Variants in FGD5 observed in about 807,000 individuals in gnomAD.
The protein encoded by FGD5 is FYVE, RhoGEF and PH domain-containing protein 5.
FGD5 carries 28 observed loss-of-function variants against 133.4 expected under a neutral mutation model. The observed-to-expected ratio is 0.21, with a 90% confidence interval of 0.16 to 0.29. FGD5 has a LOEUF of 0.29. FGD5 is among the 10% of genes least tolerant of loss of function. The pLI is 1.00. For missense variants in FGD5, 1,858 were observed against 1,895.2 expected (o/e 0.98, Z 0.36); for synonymous variants, 810 against 776.5 (o/e 1.04, Z -0.72).
chr3:14,857,584 G>A (rs888454399), intron 1 of FGD5, among the ~76,000 whole-genome samples: 2 of 152,122 alleles, frequency 1.3e-5, no homozygotes, highest in Admixed American at 6.5e-5. Flanking sequence ...CTGGGCAACC[G>A]GGAGACTTCA....
chr3:14,889,413 C>T lies in FGD5; in HGVS notation c.2749-8096C>T, dbSNP rs141603479. Among the ~76,000 whole-genome samples, 5 of 152,294 alleles carry T rather than the reference C, an allele frequency of 3.3e-5. No homozygotes were observed. The East Asian group carries it at 7.7e-4, about 23-fold the overall frequency. ...TCTGTGAGATTTAGCCAGCTGTTCA[C>T]GGGTATCAGTGTTCTTTGGTAGGGA... is the stretch of plus-strand genomic sequence containing the variant. On this transcript the variant is annotated intron_variant, in intron 4 of 19. Transcript: ENST00000285046.
chr3:14,864,158 C>T lies in FGD5; in HGVS notation c.2556C>T (p.Pro852=), dbSNP rs763733628. 6.2e-6 allele frequency: 10 copies of T among 1,613,866 alleles called. No homozygotes were observed. Among genetic ancestry groups the T allele is most frequent in the African/African-American group, 1.3e-5 (1 of 74,946 alleles). The change falls in exon 2 of 20, where the codon CCC becomes CCT. Residue 852 remains proline (P), a synonymous_variant. Coordinates refer to ENST00000285046, the MANE Select transcript of FGD5 (RefSeq NM_152536.4). The part of the protein sequence containing the change: ...SAYTEPYKVC[P]ISSAAPKEDL... ...ACACAGAGCCCTACAAAGTCTGTCCCATCTCGTCGGCAGCCCCCAAAGAGG... is the reference window on the plus strand; with the variant it reads ...ACACAGAGCCCTACAAAGTCTGTCCTATCTCGTCGGCAGCCCCCAAAGAGG...
chr3:14,923,160 C>T lies in FGD5; in HGVS notation c.3922C>T (p.Pro1308Ser), dbSNP rs773693106. The change falls in exon 16 of 20, where the codon CCG becomes TCG. Residue 1308 changes from proline to serine, a missense_variant. By Grantham distance (74) the Pro-to-Ser change is moderately conservative. Around this residue, in one of 3 missense-constraint regions of FGD5, gnomAD observed 1,824 missense variants for 1,848.9 expected, o/e 0.99. Coordinates refer to ENST00000285046, the MANE Select transcript of FGD5 (RefSeq NM_152536.4). ...GELKKRGRAVPGLMRERPVSM... is the reference protein window; with the variant it reads ...GELKKRGRAVSGLMRERPVSM... The stretch of plus-strand genomic sequence containing the variant: ...GCTGAAGAAGCGGGGCAGGGCTGTC[C>T]CGGGCCTGATGAGAGGTAACCTGGG... 3.7e-6 allele frequency: 6 copies of T among 1,613,312 alleles called. No homozygotes were observed. The highest frequency in any genetic ancestry group is 5.1e-6 in the Non-Finnish European group (6 of 1,179,756).
chr3:14,900,575 G>A lies in FGD5; in HGVS notation c.3205+122G>A, dbSNP rs550243722. On this transcript the variant is annotated intron_variant, in intron 8 of 19. Coordinates refer to ENST00000285046, the MANE Select transcript of FGD5 (RefSeq NM_152536.4). ...AGTCCCCTCCCCACCAGCTGGGTGG[G>A]TTCTGCATATGACACATCTTGGACT... 6.4e-5 allele frequency: 73 copies of A among 1,148,482 alleles called. 1 individual carries two copies. In the South Asian group the frequency reaches 8.3e-4, roughly 13 times the overall value. 71.1% of individuals were successfully genotyped at this position (1,148,482 alleles called of 1,614,324 possible). A position where few individuals can be genotyped will look rare whatever the true frequency, so the allele number is the denominator to read the frequency against.
intron 4 of FGD5, among the ~76,000 whole-genome samples, chr3:14,888,145 G>C (rs2125124266): frequency 1.4e-5 from 1 of 73,216 alleles, no homozygotes; most frequent in South Asian, 3.9e-4. Context: ...GCTCCAGCCT[G>C]GGTGACAGAG....
intron 1 of FGD5, among the ~76,000 whole-genome samples, chr3:14,823,809 T>A (rs1389624277): frequency 6.6e-6 from 1 of 152,240 alleles, no homozygotes; most frequent in Non-Finnish European, 1.5e-5. Context: ...CACAGGCTGC[T>A]TGGCTATATG....
intron 1 of FGD5, among the ~76,000 whole-genome samples, chr3:14,837,832 T>C (rs1054411425): frequency 3.3e-5 from 5 of 152,236 alleles, no homozygotes; most frequent in Non-Finnish European, 7.3e-5. Flanking sequence ...GGCCTCGGTT[T>C]CCCCAGAAAT....
chr3:14,846,710 A>T (rs541613784), intron 1 of FGD5, among the ~76,000 whole-genome samples: 1 of 152,334 alleles, frequency 6.6e-6, no homozygotes, highest in East Asian at 1.9e-4. Context: ...CAACCGTGGG[A>T]CCAGAGACCC....
At chr3:14,861,148 A>ACGCTGAAGACGGGGGAGTGG (rs1481655704) in intron 1 of FGD5, among the ~76,000 whole-genome samples, 4 of 152,232 alleles carry the variant, frequency 2.6e-5, no homozygotes, top group Non-Finnish European at 5.9e-5. Flanking sequence ...AGCAACGGCC[A>ACGCTGAAGACGGGGGAGTGG]CGCTGAAGAC....
intron 10 of FGD5, 62 bp downstream of exon 10, chr3:14,907,773 T>C: frequency 1.3e-6 from 2 of 1,531,306 alleles, no homozygotes; most frequent in East Asian, 2.3e-5. Context: ...ATAAGCCCCA[T>C]TGTTCACTGG....
At chr3:14,826,326 T>A (rs1314014794) in intron 1 of FGD5, among the ~76,000 whole-genome samples, 2 of 151,834 alleles carry the variant, frequency 1.3e-5, no homozygotes, top group East Asian at 3.9e-4. Flanking sequence ...TCTGCCCCTC[T>A]CCCCACTGCC....
intron 7 of FGD5, 72 bp from the exon 8 acceptor site, chr3:14,900,331 G>C: frequency 6.8e-7 from 1 of 1,473,180 alleles, no homozygotes; most frequent in Admixed American, 1.8e-5. Flanking sequence ...CAAGAGAGGG[G>C]GTGGCCACAG....
intron 4 of FGD5, among the ~76,000 whole-genome samples, chr3:14,892,093 T>G (rs1559495700): frequency 6.6e-6 from 1 of 152,086 alleles, no homozygotes; most frequent in Non-Finnish European, 1.5e-5. Flanking sequence ...GCCTCTGGCC[T>G]TCACTTGGGG....
At chr3:14,860,742 G>A (rs1345879457) in intron 1 of FGD5, among the ~76,000 whole-genome samples, 2 of 152,144 alleles carry the variant, frequency 1.3e-5, no homozygotes, top group Non-Finnish European at 2.9e-5. Flanking sequence ...GGGATGCTGA[G>A]GTGGGAGGAT....
chr3:14,925,082 C>T (rs2038770746), intron 17 of FGD5, among the ~76,000 whole-genome samples: 1 of 118,992 alleles, frequency 8.4e-6, no homozygotes, highest in African/African-American at 3.4e-5. Flanking sequence ...AGCCTGGCGA[C>T]ACAGCAAGAC....
chr3:14,827,863 G>GC (rs1454472574), intron 1 of FGD5, among the ~76,000 whole-genome samples: 1 of 152,172 alleles, frequency 6.6e-6, no homozygotes, highest in East Asian at 1.9e-4. Context: ...GATTCTACCC[G>GC]CCCGGGGCAG....
At chr3:14,816,282 A>C (rs1177878725), upstream of FGD5, among the ~76,000 whole-genome samples, 1 of 152,064 alleles carries the variant, frequency 6.6e-6, no homozygotes, top group East Asian at 1.9e-4. Flanking sequence ...TGAGAGTCCC[A>C]CCCCCAAAGA....
At chr3:14,906,573 G>A (rs1244927276) in intron 9 of FGD5, among the ~76,000 whole-genome samples, 1 of 152,234 alleles carries the variant, frequency 6.6e-6, no homozygotes, top group Non-Finnish European at 1.5e-5. Context: ...TGCCTTTCTC[G>A]TGGGCACGTG....
chr3:14,908,478 G>T (rs1027620291), intron 10 of FGD5, among the ~76,000 whole-genome samples: 1 of 151,958 alleles, frequency 6.6e-6, no homozygotes, highest in African/African-American at 2.4e-5. Context: ...GAAAGACACA[G>T]TCTTGAGCAC....
Sources: allele counts gnomAD v4.1 joint callset (sites outside exome capture counted in the v4.1 genomes callset), GRCh38; gene constraint gnomAD v4.1.1; regional missense constraint gnomAD v4.1.1; transcripts MANE v1.5; gene names NCBI Gene and HGNC (gene_info 2026-07-23, HGNC 2026-07-21).